Variants in HPSE2 observed in about 807,000 individuals in gnomAD.
The protein encoded by HPSE2 is heparanase 2 (inactive), also known as inactive heparanase-2.
HPSE2 carries 38 observed loss-of-function variants against 60.5 expected under a neutral mutation model. The observed-to-expected ratio is 0.63, with a 90% CI of 0.48 to 0.82. The LOEUF (loss-of-function observed/expected upper bound fraction) is 0.82. Among genes scored for constraint, HPSE2 ranks in the 40% least tolerant of loss-of-function variants. The pLI is 0.00. For missense variants in HPSE2, 713 were observed against 740.4 expected (o/e 0.96, Z 0.43); for synonymous variants, 295 against 293.2 (o/e 1.01, Z -0.06).
intron 3 of HPSE2, among the ~76,000 whole-genome samples, chr10:98,769,263 T>C (rs1950190670): frequency 6.6e-6 from 1 of 152,180 alleles, no homozygotes; most frequent in African/African-American, 2.4e-5. Context: ...AACATGTTAG[T>C]GACCATAAAA....
intron 2 of HPSE2, among the ~76,000 whole-genome samples, chr10:99,220,657 T>C (rs1589836648): frequency 6.6e-6 from 1 of 151,616 alleles, no homozygotes; most frequent in Admixed American, 6.6e-5. Flanking sequence ...ACAAAAATTA[T>C]CTGGGCGTGG....
At chr10:99,108,943 CA>C (rs1844352188) in intron 3 of HPSE2, among the ~76,000 whole-genome samples, 1 of 152,178 alleles carries the variant, frequency 6.6e-6, no homozygotes, top group African/African-American at 2.4e-5. Context: ...CTGAGTTCCA[CA>C]ACACTTTATC....
chr10:98,719,433 T>G (rs952641543), intron 5 of HPSE2, among the ~76,000 whole-genome samples: 5 of 151,618 alleles, frequency 3.3e-5, no homozygotes, highest in African/African-American at 1.2e-4. Flanking sequence ...AGAGAAGATC[T>G]AGAGAAAGGA....
chr10:99,166,068 C>G (rs1175129854), intron 2 of HPSE2, among the ~76,000 whole-genome samples: 1 of 152,134 alleles, frequency 6.6e-6, no homozygotes, highest in African/African-American at 2.4e-5. Context: ...CAATATGTAG[C>G]CTTTGGGATA....
intron 3 of HPSE2, among the ~76,000 whole-genome samples, chr10:98,878,242 AT>A (rs1952929575): frequency 6.6e-6 from 1 of 151,994 alleles, no homozygotes; most frequent in Non-Finnish European, 1.5e-5. Flanking sequence ...AATGTACAGA[AT>A]GCTATAGGAG....
intron 3 of HPSE2, among the ~76,000 whole-genome samples, chr10:98,883,655 T>C (rs940418565): frequency 2.0e-5 from 3 of 151,764 alleles, no homozygotes; most frequent in Non-Finnish European, 4.4e-5. Context: ...TACAAATAAA[T>C]TAGCCAGGCA....
At chr10:98,746,389 C>T (rs1330310811) in intron 3 of HPSE2, among the ~76,000 whole-genome samples, 1 of 151,750 alleles carries the variant, frequency 6.6e-6, no homozygotes, top group Non-Finnish European at 1.5e-5. Flanking sequence ...ATTCATATTG[C>T]TTTGATGTAT....
chr10:98,520,908 A>G (rs1256638565), intron 9 of HPSE2, among the ~76,000 whole-genome samples: 1 of 152,250 alleles, frequency 6.6e-6, no homozygotes, highest in Non-Finnish European at 1.5e-5. Context: ...CCTATTTAAT[A>G]AATGGTGTGG....
chr10:98,485,268 C>T (rs957462721), intron 10 of HPSE2, among the ~76,000 whole-genome samples: 1 of 152,154 alleles, frequency 6.6e-6, no homozygotes, highest in African/African-American at 2.4e-5. Context: ...GGTTTGGGAA[C>T]CACTTGCTTA....
chr10:99,063,910 C>T (rs1033186822), intron 3 of HPSE2, among the ~76,000 whole-genome samples: 2 of 151,988 alleles, frequency 1.3e-5, no homozygotes, highest in African/African-American at 2.4e-5. Context: ...CTGGCCAACA[C>T]GGTGAAACCC....
intron 3 of HPSE2, among the ~76,000 whole-genome samples, chr10:98,903,379 A>C (rs546604726): frequency 6.6e-6 from 1 of 152,240 alleles, no homozygotes; most frequent in African/African-American, 2.4e-5. Flanking sequence ...ATATTAAAAG[A>C]CATTGAATTG....
chr10:98,975,024 A>G (rs1269419165), intron 3 of HPSE2, among the ~76,000 whole-genome samples: 1 of 152,232 alleles, frequency 6.6e-6, no homozygotes, highest in Non-Finnish European at 1.5e-5. Flanking sequence ...CTTTGAATGA[A>G]TAACAACTGT....
intron 2 of HPSE2, among the ~76,000 whole-genome samples, chr10:99,145,194 C>T (rs1405486618): frequency 2.6e-5 from 4 of 152,162 alleles, no homozygotes; most frequent in Non-Finnish European, 2.9e-5. Flanking sequence ...TGGTGGCTCA[C>T]GCCTGTAATC....
intron 3 of HPSE2, among the ~76,000 whole-genome samples, chr10:98,990,226 T>C (rs1033832924): frequency 3.9e-5 from 6 of 152,226 alleles, no homozygotes; most frequent in African/African-American, 1.2e-4. Flanking sequence ...TGGTTTATTA[T>C]GGTCTCTGTG....
intron 4 of HPSE2, among the ~76,000 whole-genome samples, chr10:98,733,129 G>A (rs1288747458): frequency 2.0e-5 from 3 of 152,052 alleles, no homozygotes; most frequent in Non-Finnish European, 4.4e-5. Context: ...TATTGTGTGT[G>A]TATGTGTGTG....
chr10:98,740,616 T>C (rs1192414425), intron 4 of HPSE2, among the ~76,000 whole-genome samples: 1 of 152,218 alleles, frequency 6.6e-6, no homozygotes, highest in Non-Finnish European at 1.5e-5. Flanking sequence ...GGTTAGTCAC[T>C]TAAAGTTTAG....
intron 2 of HPSE2, among the ~76,000 whole-genome samples, chr10:99,184,767 G>T (rs570229948): frequency 1.8e-5 from 2 of 109,978 alleles, no homozygotes; most frequent in Non-Finnish European, 3.7e-5. Flanking sequence ...TGAAGATGTG[G>T]CAACAGAACT....
chr10:98,661,098 A>T (rs1247065411), intron 6 of HPSE2, among the ~76,000 whole-genome samples: 2 of 152,078 alleles, frequency 1.3e-5, no homozygotes, highest in Admixed American at 6.6e-5. Context: ...TTGGCATAGG[A>T]TAACCTGCAC....
chr10:98,742,959 T>C (rs1161526168), intron 4 of HPSE2, among the ~76,000 whole-genome samples: 4 of 141,720 alleles, frequency 2.8e-5, no homozygotes, highest in Admixed American at 2.3e-4. Flanking sequence ...CTCTTCTTTT[T>C]TTTCCTTTTC....
Sources: allele counts gnomAD v4.1 joint callset (sites outside exome capture counted in the v4.1 genomes callset), GRCh38; gene constraint gnomAD v4.1.1; transcripts MANE v1.5; gene names NCBI Gene and HGNC (gene_info 2026-07-23, HGNC 2026-07-21).